Variants in FIP1L1 observed in about 807,000 individuals in gnomAD.
FIP1L1 encodes the protein factor interacting with PAPOLA and CPSF1.
In FIP1L1, 21 loss-of-function variants were observed where a neutral mutation model predicts 84.6. That is an observed-to-expected ratio of 0.25 (90% CI 0.18 to 0.36). FIP1L1 has a LOEUF of 0.36. FIP1L1 is among the 10% of genes least tolerant of loss of function. The pLI is 1.00. For missense variants in FIP1L1, 526 were observed against 751.1 expected (o/e 0.70, Z 3.50); for synonymous variants, 263 against 242.3 (o/e 1.09, Z -0.80).
At chr4:53,393,624 ATTAT>A (rs1451619961) in intron 9 of FIP1L1, among the ~76,000 whole-genome samples, 1 of 152,194 alleles carries the variant, frequency 6.6e-6, no homozygotes, top group African/African-American at 2.4e-5. Flanking sequence ...CAATTGTGTA[ATTAT>A]TTAATTAGAG....
chr4:53,387,568 A>AC (rs1741777716), intron 5 of FIP1L1, among the ~76,000 whole-genome samples: 1 of 152,176 alleles, frequency 6.6e-6, no homozygotes, highest in African/African-American at 2.4e-5. Context: ...AATTTTTCAT[A>AC]CCACTAAGCT....
Position 53,459,651 on chromosome 4 carries a change from A to G in FIP1L1, c.*202A>G. On this transcript the variant is annotated 3_prime_UTR_variant, in exon 18 of 18. Transcript: ENST00000337488. ...TGTCTTGTACTATTTCAAAAATAAA[A>G]AGACAGCAATGACTTTATATCCAAG... 4.4e-6 allele frequency: 3 copies of G among 679,242 alleles called. No individual in the cohort carries two copies. In the South Asian group the frequency reaches 5.9e-5, roughly 13 times the overall value. The allele number at this position is 679,242 out of a possible 1,614,324, so 42.1% of individuals were successfully genotyped here.
At chr4:53,432,387 A>T (rs1767083751) in intron 13 of FIP1L1, among the ~76,000 whole-genome samples, 1 of 136,418 alleles carries the variant, frequency 7.3e-6, no homozygotes, top group Non-Finnish European at 1.6e-5. Context: ...GACAAGAGCA[A>T]AACTCCATCT....
chr4:53,384,795 T>C (rs886130154), intron 5 of FIP1L1, among the ~76,000 whole-genome samples: 3 of 152,236 alleles, frequency 2.0e-5, no homozygotes, highest in Non-Finnish European at 4.4e-5. Flanking sequence ...GTTTTGTTTT[T>C]CAAATTGGCT....
Position 53,387,759 on chromosome 4 carries a change from G to C in FIP1L1, c.333-2050G>C, listed in dbSNP as rs115329771. On this transcript the variant is annotated intron_variant, in intron 5 of 17. Coordinates refer to ENST00000337488, the MANE Select transcript of FIP1L1 (RefSeq NM_030917.4). ...TTCTATACGGTCCTGTAAGAGAACA[G>C]TTTAGAGAAAATCCTTGATTTTTGT... Among the ~76,000 whole-genome samples the C allele has an allele frequency of 9.4e-3, 1,434 of 152,322 alleles. 21 individuals carry two copies. Among genetic ancestry groups the C allele is most frequent in the African/African-American group, 0.033 (1,369 of 41,558 alleles).
chr4:53,432,679 A>T (rs77950712), intron 13 of FIP1L1, among the ~76,000 whole-genome samples: 2,672 of 152,258 alleles, frequency 0.018, 83 homozygotes, highest in African/African-American at 0.061. Context: ...TCTGAAGTAG[A>T]TGATATTCTA....
intron 10 of FIP1L1, among the ~76,000 whole-genome samples, chr4:53,405,056 T>C (rs892567776): frequency 6.6e-6 from 1 of 152,238 alleles, no homozygotes; most frequent in African/African-American, 2.4e-5. Flanking sequence ...CCATTGCTTT[T>C]GGTGTTTTAG....
At chr4:53,390,415 A>G (rs543076381) in intron 6 of FIP1L1, 106 bp from the exon 7 acceptor site, 28 of 668,018 alleles carry the variant, frequency 4.2e-5, no homozygotes, top group Non-Finnish European at 6.3e-5. Context: ...TTGTGTGTGT[A>G]TATGTGCCAG....
intron 10 of FIP1L1, among the ~76,000 whole-genome samples, chr4:53,408,173 CT>C (rs982284833): frequency 7.4e-4 from 113 of 152,218 alleles, no homozygotes; most frequent in African/African-American, 2.6e-3. Flanking sequence ...TTCAGGAGCT[CT>C]TTTAGGGCAG....
At chr4:53,379,939 G>A (rs1736903767) in intron 3 of FIP1L1, among the ~76,000 whole-genome samples, 1 of 152,276 alleles carries the variant, frequency 6.6e-6, no homozygotes, top group African/African-American at 2.4e-5. Context: ...GGAATATTTG[G>A]GTTTAAAAAG....
chr4:53,441,919 A>T (rs1772109602), intron 13 of FIP1L1, among the ~76,000 whole-genome samples: 1 of 151,950 alleles, frequency 6.6e-6, no homozygotes. Context: ...TAAGTTTTGG[A>T]AATCTTTTTC....
chr4:53,382,026 C>G (rs1738345661), intron 3 of FIP1L1, among the ~76,000 whole-genome samples: 1 of 151,864 alleles, frequency 6.6e-6, no homozygotes, highest in African/African-American at 2.4e-5. Flanking sequence ...ACCTCAGCCT[C>G]TCAAAGTGCT....
intron 15 of FIP1L1, among the ~76,000 whole-genome samples, chr4:53,449,287 A>T (rs1031151055): frequency 8.5e-5 from 13 of 152,108 alleles, no homozygotes; most frequent in African/African-American, 3.1e-4. Flanking sequence ...CAGGTTAAGG[A>T]AATTCTGTTC....
At chr4:53,453,189 A>G (rs765708878) in intron 16 of FIP1L1, 56 bp downstream of exon 16, 9 of 1,592,206 alleles carry the variant, frequency 5.7e-6, no homozygotes, top group East Asian at 2.3e-5. Flanking sequence ...TTACAAATTT[A>G]TTTTCGTTAT....
At chr4:53,378,951 A>T (rs1410208325) in intron 1 of FIP1L1, 122 bp from the exon 2 acceptor site, 2 of 935,370 alleles carry the variant, frequency 2.1e-6, no homozygotes, top group African/African-American at 3.4e-5. Flanking sequence ...AAGATCTGGA[A>T]ATCTTCATTA....
In FIP1L1 at chr4:53,459,299, C is replaced by CA; in HGVS notation, c.1638-2dup. ...CACCTTTTTTTTTTTTTTTTTTTTC[C>CA]AGTAATAGTAGACGTCGCCATGAAA... On this transcript the variant is annotated splice_region_variant and splice_polypyrimidine_tract_variant and intron_variant, in intron 17 of 17. Transcript: ENST00000337488. 1.2e-6 allele frequency: 1 copy of CA among 833,492 alleles called. No individual in the cohort carries two copies. Among genetic ancestry groups the CA allele is most frequent in the African/African-American group, 3.4e-5 (1 of 29,372 alleles). 51.6% of individuals were successfully genotyped at this position (833,492 alleles called of 1,614,324 possible).
Position 53,379,106 on chromosome 4 carries a change from C to A in FIP1L1, c.119C>A (p.Ala40Glu), listed in dbSNP as rs1736388493. The A allele has an allele frequency of 6.2e-7, 1 of 1,613,984 alleles. No individual in the cohort carries two copies. Among genetic ancestry groups the A allele is most frequent in the South Asian group, 1.1e-5 (1 of 91,078 alleles). ...GACGTGCATGTGCACAGTGATTTGG[C>A]AAAGGACCTAGGTTAGTGCTTGTGA... ...PWDVHVHSDL[A>E]KDLDENEVER... is the part of the protein sequence containing the mutation. Residue 40 changes from alanine (A) to glutamate (E), a missense_variant, in exon 2 of 18, where the codon GCA (alanine) becomes GAA (glutamate). By Grantham distance (107) the Ala-to-Glu change is moderately radical. Transcript: ENST00000337488.
chr4:53,427,876 CAT>C, intron 12 of FIP1L1, 149 bp from the exon 13 acceptor site: 1 of 599,930 alleles, frequency 1.7e-6, no homozygotes, highest in Non-Finnish European at 2.9e-6. Flanking sequence ...ACATATCACA[CAT>C]GTAGAACTAT....
At chr4:53,445,682 G>C (rs1773890966) in intron 15 of FIP1L1, among the ~76,000 whole-genome samples, 2 of 152,172 alleles carry the variant, frequency 1.3e-5, no homozygotes, top group South Asian at 4.1e-4. Context: ...TTCCTCTGGT[G>C]CCTTGTCCAT....
Sources: allele counts gnomAD v4.1 joint callset (sites outside exome capture counted in the v4.1 genomes callset), GRCh38; gene constraint gnomAD v4.1.1; transcripts MANE v1.5; gene names NCBI Gene and HGNC (gene_info 2026-07-23, HGNC 2026-07-21).